The following CDC73 variants were observed in gnomAD, a reference collection of about 807,000 sequenced individuals.
The protein encoded by CDC73 is parafibromin.
CDC73 carries 21 observed loss-of-function variants against 83.7 expected under a neutral mutation model. That is an observed-to-expected ratio of 0.25 (90% CI 0.18 to 0.36). CDC73 has a LOEUF of 0.36. Ranked by LOEUF, CDC73 falls within the 10% of genes least tolerant of loss-of-function variation. The pLI is 1.00. For synonymous variants in CDC73, 224 were observed against 212.9 expected (o/e 1.05, Z -0.45); for missense variants, 342 against 653.3 (o/e 0.52, Z 5.19).
At chr1:193,211,311 T>A (rs1166515919) in intron 11 of CDC73, among the ~76,000 whole-genome samples, 2 of 152,220 alleles carry the variant, frequency 1.3e-5, no homozygotes, top group African/African-American at 2.4e-5. Context: ...CAGTTTGAGG[T>A]ACAAAGGCAA....
intron 14 of CDC73, among the ~76,000 whole-genome samples, chr1:193,235,108 A>G (rs1677734266): frequency 6.6e-6 from 1 of 152,114 alleles, no homozygotes; most frequent in Non-Finnish European, 1.5e-5. Context: ...GGTCATTCCT[A>G]AGACCCTTTC....
chr1:193,217,081 G>A (rs979765999), intron 13 of CDC73, among the ~76,000 whole-genome samples: 20 of 152,102 alleles, frequency 1.3e-4, no homozygotes, highest in African/African-American at 4.8e-4. Flanking sequence ...ACTGAAACAG[G>A]AAATGTTCCT....
At chr1:193,225,270 A>C (rs1006173200) in intron 13 of CDC73, among the ~76,000 whole-genome samples, 2 of 148,320 alleles carry the variant, frequency 1.3e-5, no homozygotes, top group East Asian at 3.9e-4. Flanking sequence ...ATATATATAT[A>C]TATCCACATA....
rs572629982 is a variant in CDC73 at position 193,122,190 on chromosome 1, G to GT, written c.-11_-10insT. The GT allele has an allele frequency of 1.9e-5, 30 of 1,602,376 alleles. No individual in the cohort carries two copies. The highest frequency in any genetic ancestry group is 5.0e-5 in the Admixed American group (3 of 59,500). ...CGGCGCCCCGAGCCGGCGGAGGCGA[G>GT]GGGGGGGAAGATGGCGGACGTGCTT... is the stretch of plus-strand genomic sequence containing the variant. On this transcript the variant is annotated 5_prime_UTR_variant, in exon 1 of 17. Coordinates refer to ENST00000367435, the MANE Select transcript of CDC73 (RefSeq NM_024529.5).
At chr1:193,235,479 G>A (rs1677740881) in intron 14 of CDC73, among the ~76,000 whole-genome samples, 1 of 152,126 alleles carries the variant, frequency 6.6e-6, no homozygotes, top group Non-Finnish European at 1.5e-5. Flanking sequence ...CATTATTGCT[G>A]ATAATGTTGT....
intron 10 of CDC73, among the ~76,000 whole-genome samples, chr1:193,184,092 T>C (rs911891034): frequency 1.3e-5 from 2 of 151,902 alleles, no homozygotes; most frequent in South Asian, 4.1e-4. Context: ...GGTCCTAATA[T>C]GATTTTGTAA....
chr1:193,200,354 G>A (rs1346622502), intron 10 of CDC73, among the ~76,000 whole-genome samples: 1 of 152,094 alleles, frequency 6.6e-6, no homozygotes, highest in Non-Finnish European at 1.5e-5. Flanking sequence ...TGTTCCACTT[G>A]TTTAAGCAGC....
In CDC73 at chr1:193,233,894, A is replaced by G. The variant is rs552149763; in HGVS notation, c.1316+740A>G. ...TAAATTTAGACACACAAATTACCTT[A>G]TTTCTTTAACCGGGAGTAAAAGTTG... On this transcript the variant is annotated intron_variant, in intron 14 of 16. Transcript: ENST00000367435. 5.3e-5 allele frequency among the ~76,000 whole-genome samples: 8 copies of G among 152,212 alleles called. No individual in the cohort carries two copies. In the East Asian group the frequency reaches 1.3e-3, roughly 26 times the overall value.
At chr1:193,206,062 T>A (rs1677184029) in intron 11 of CDC73, among the ~76,000 whole-genome samples, 1 of 152,086 alleles carries the variant, frequency 6.6e-6, no homozygotes, top group African/African-American at 2.4e-5. Context: ...ATAAAAGAAG[T>A]TAGTATGTAA....
chr1:193,163,342 C>A (rs559035096), intron 10 of CDC73, among the ~76,000 whole-genome samples: 13 of 151,896 alleles, frequency 8.6e-5, no homozygotes, highest in African/African-American at 3.1e-4. Context: ...CCCGCCTCTA[C>A]AAAAATATTC....
chr1:193,128,604 C>T (rs1048670812), intron 2 of CDC73, among the ~76,000 whole-genome samples: 1 of 152,130 alleles, frequency 6.6e-6, no homozygotes, highest in Non-Finnish European at 1.5e-5. Context: ...CATGCCTGGC[C>T]TAGGCTGGTT....
intron 15 of CDC73, among the ~76,000 whole-genome samples, chr1:193,245,165 T>C (rs1024777102): frequency 2.0e-5 from 3 of 152,286 alleles, no homozygotes; most frequent in Middle Eastern, 6.8e-3. Context: ...GTTTCCTCCT[T>C]CTAGCTATTT....
At chr1:193,137,046 T>C (rs1675813840) in intron 5 of CDC73, among the ~76,000 whole-genome samples, 1 of 152,198 alleles carries the variant, frequency 6.6e-6, no homozygotes, top group Non-Finnish European at 1.5e-5. Flanking sequence ...GTTTTCAACA[T>C]TGGTTTTCAG....
At chr1:193,133,837 A>G (rs1191509811) in intron 3 of CDC73, among the ~76,000 whole-genome samples, 1 of 152,206 alleles carries the variant, frequency 6.6e-6, no homozygotes, top group Non-Finnish European at 1.5e-5. Flanking sequence ...AGAAAAGGTG[A>G]TAAAATCATG....
intron 7 of CDC73, among the ~76,000 whole-genome samples, chr1:193,144,660 T>C (rs1379550265): frequency 6.6e-6 from 1 of 152,334 alleles, no homozygotes; most frequent in Admixed American, 6.5e-5. Flanking sequence ...AGTGTGTCTT[T>C]TTATTATTTT....
At chr1:193,130,658 G>A (rs1455273431) in intron 3 of CDC73, among the ~76,000 whole-genome samples, 3 of 152,144 alleles carry the variant, frequency 2.0e-5, no homozygotes, top group South Asian at 2.1e-4. Context: ...GCAAGAGTTC[G>A]TGTGGTATCA....
intron 10 of CDC73, among the ~76,000 whole-genome samples, chr1:193,172,929 A>G (rs1424221213): frequency 6.6e-6 from 1 of 152,188 alleles, no homozygotes; most frequent in Non-Finnish European, 1.5e-5. Context: ...TTTTCTTTGA[A>G]ATGAGTGCAT....
At position 193,166,593 on chromosome 1, in the gene CDC73, C is replaced by T. The variant is rs182603221; in HGVS notation, c.972+14149C>T. Among the ~76,000 whole-genome samples the T allele has an allele frequency of 1.3e-4, 19 of 151,982 alleles. No individual in the cohort carries two copies. In the East Asian group the frequency reaches 1.7e-3, roughly 14 times the overall value. ...GCTTACAGGCCGATAGACAAAACCA[C>T]GGAAATTATGTAGGTGCTTATGTAA... is the stretch of plus-strand genomic sequence containing the variant. On this transcript the variant is annotated intron_variant, in intron 10 of 16. Transcript: ENST00000367435.
At chr1:193,180,623 C>A in intron 10 of CDC73, 1 of 1,614,084 alleles carries the variant, frequency 6.2e-7, no homozygotes, top group Non-Finnish European at 8.5e-7. Flanking sequence ...TAACCAGTTC[C>A]AGAACAGAAG....
Sources: gnomAD v4.1 joint callset for allele counts (sites outside exome capture counted in the v4.1 genomes callset) on GRCh38, gnomAD v4.1.1 for gene constraint, MANE v1.5 for transcripts, NCBI Gene and HGNC (gene_info 2026-07-23, HGNC 2026-07-21) for gene names.